The following IPO11 variants were observed in gnomAD, a reference collection of about 807,000 sequenced individuals.
The protein encoded by IPO11 is importin 11.
IPO11 carries 66 observed loss-of-function variants against 143.2 expected under a neutral mutation model. The observed-to-expected ratio is 0.46, with a 90% confidence interval of 0.38 to 0.57. The LOEUF (loss-of-function observed/expected upper bound fraction) is 0.57, where lower values mean the gene tolerates loss of function less well. Among genes scored for constraint, IPO11 ranks in the 20% least tolerant of loss-of-function variants. The pLI, the probability that IPO11 is intolerant of heterozygous loss-of-function variation, is 0.00. For synonymous variants in IPO11, 385 were observed against 377.8 expected (o/e 1.02, Z -0.22); for missense variants, 1,026 against 1,141.0 (o/e 0.90, Z 1.45).
rs1370500253 is a variant in IPO11 at position 62,449,973 on chromosome 5, A to G, written c.286A>G (p.Thr96Ala). The G allele has an allele frequency of 1.2e-6, 2 of 1,600,016 alleles. No homozygotes were observed. The highest frequency in any genetic ancestry group is 2.7e-5 in the African/African-American group (2 of 74,392). The change falls in exon 4 of 30, where the codon ACC (threonine) becomes GCC (alanine). Residue 96 changes from threonine (T) to alanine (A), a missense_variant. By Grantham distance (58) the Thr-to-Ala change is moderately conservative. Coordinates refer to ENST00000325324, the MANE Select transcript of IPO11 (RefSeq NM_016338.5). ...EKTTLRAGLI[T>A]NFNEPINQIA... Reference sequence around the variant, plus strand: ...AACTACTCTGCGTGCAGGGCTCATCACCAACTTCAATGAACCAATAAACCA... The same window carrying G: ...AACTACTCTGCGTGCAGGGCTCATCGCCAACTTCAATGAACCAATAAACCA...
At chr5:62,430,212 A>G (rs1743929016) in intron 1 of IPO11, among the ~76,000 whole-genome samples, 1 of 152,140 alleles carries the variant, frequency 6.6e-6, no homozygotes, top group Admixed American at 6.6e-5. Context: ...TAGAATTGCT[A>G]TGTTATATGT....
At chr5:62,469,601 A>G (rs1024044092) in intron 6 of IPO11, among the ~76,000 whole-genome samples, 1 of 152,198 alleles carries the variant, frequency 6.6e-6, no homozygotes, top group African/African-American at 2.4e-5. Context: ...CAATAACCCT[A>G]TAAAGTAGGA....
intron 3 of IPO11, among the ~76,000 whole-genome samples, chr5:62,444,164 C>T (rs965623076): frequency 6.0e-5 from 9 of 149,786 alleles, no homozygotes; most frequent in South Asian, 4.2e-4. Context: ...GGCATGATCT[C>T]GGCCTACTGC....
intron 19 of IPO11, among the ~76,000 whole-genome samples, chr5:62,510,327 C>G (rs1741701459): frequency 6.6e-6 from 1 of 152,104 alleles, no homozygotes; most frequent in African/African-American, 2.4e-5. Flanking sequence ...TAAAATAGAT[C>G]AACACTTATA....
intron 27 of IPO11, among the ~76,000 whole-genome samples, chr5:62,583,661 A>T (rs1308055587): frequency 6.6e-6 from 1 of 152,178 alleles, no homozygotes; most frequent in Non-Finnish European, 1.5e-5. Context: ...CCCCCTTGAA[A>T]AATGTTAGCC....
intron 29 of IPO11, among the ~76,000 whole-genome samples, chr5:62,613,424 C>T (rs1198520580): frequency 6.6e-6 from 1 of 151,058 alleles, no homozygotes; most frequent in Non-Finnish European, 1.5e-5. Context: ...CACCTCAGCC[C>T]TCCAAGTAGC....
rs543804870 is a variant in IPO11, at chr5:62,552,625, A to G, written c.2460+1289A>G. Among the ~76,000 whole-genome samples the G allele has an allele frequency of 2.6e-5, 4 of 152,254 alleles. No individual in the cohort carries two copies. In the South Asian group the frequency reaches 6.2e-4, roughly 24 times the overall value. On this transcript the variant is annotated intron_variant, in intron 26 of 29. Transcript: ENST00000325324. ...AATATTTAAGAACATAAGAGAGGAA[A>G]TTAAAATTACCCAGAGGAAACATCA... is the stretch of plus-strand genomic sequence containing the variant.
chr5:62,597,309 G>A (rs1561379769), intron 28 of IPO11, among the ~76,000 whole-genome samples: 2 of 152,178 alleles, frequency 1.3e-5, no homozygotes, highest in Admixed American at 6.5e-5. Context: ...GTAGAAGAAA[G>A]TAGGTTTATC....
chr5:62,521,137 G>A (rs1742188458), intron 20 of IPO11, among the ~76,000 whole-genome samples: 1 of 152,192 alleles, frequency 6.6e-6, no homozygotes, highest in Non-Finnish European at 1.5e-5. Context: ...GTTGTAACTG[G>A]ATTTTCTTTC....
At chr5:62,557,814 G>C (rs1057369274) in intron 26 of IPO11, among the ~76,000 whole-genome samples, 5 of 152,176 alleles carry the variant, frequency 3.3e-5, no homozygotes. Context: ...CACTGATGAG[G>C]TTTGACTGGT....
At chr5:62,554,356 C>G (rs1743495262) in intron 26 of IPO11, among the ~76,000 whole-genome samples, 2 of 152,052 alleles carry the variant, frequency 1.3e-5, no homozygotes, top group African/African-American at 4.8e-5. Flanking sequence ...TTTCCCTGAC[C>G]AGAGTCCTGG....
At chr5:62,448,435 A>AT (rs1744794608) in intron 3 of IPO11, among the ~76,000 whole-genome samples, 1 of 152,280 alleles carries the variant, frequency 6.6e-6, no homozygotes, top group East Asian at 1.9e-4. Flanking sequence ...TATTCAAGAC[A>AT]TTTTTTATTA....
chr5:62,506,126 T>G (rs1741547451), intron 18 of IPO11, 115 bp from the exon 19 acceptor site: 3 of 540,284 alleles, frequency 5.6e-6, no homozygotes, highest in Middle Eastern at 5.3e-4. Context: ...TTTTGGCTGT[T>G]TATTTGACTT....
chr5:62,478,535 A>G (rs1746052636), intron 9 of IPO11, among the ~76,000 whole-genome samples: 1 of 152,138 alleles, frequency 6.6e-6, no homozygotes, highest in Non-Finnish European at 1.5e-5. Flanking sequence ...GCTTCTTAAT[A>G]TCATTTAAAT....
At chr5:62,446,926 C>T (rs182171558) in intron 3 of IPO11, among the ~76,000 whole-genome samples, 8 of 151,408 alleles carry the variant, frequency 5.3e-5, no homozygotes, top group African/African-American at 1.7e-4. Context: ...GAGATCATGC[C>T]ACTGTACTCC....
At chr5:62,486,801 C>A (rs1230829047) in intron 12 of IPO11, among the ~76,000 whole-genome samples, 1 of 151,954 alleles carries the variant, frequency 6.6e-6, no homozygotes, top group Non-Finnish European at 1.5e-5. Flanking sequence ...ATAATGAGCC[C>A]TTCATGATAA....
chr5:62,427,203 G>T (rs151200806), intron 1 of IPO11, among the ~76,000 whole-genome samples: 280 of 151,986 alleles, frequency 1.8e-3, no homozygotes, highest in African/African-American at 6.5e-3. Flanking sequence ...GCATCCCAAA[G>T]TGCTGGGATT....
intron 1 of IPO11, among the ~76,000 whole-genome samples, chr5:62,414,324 T>G (rs1743217731): frequency 6.6e-6 from 1 of 152,174 alleles, no homozygotes; most frequent in South Asian, 2.1e-4. Context: ...TTCTCAGCAA[T>G]AAAAATATTC....
chr5:62,481,969 C>CT (rs1310108086), intron 9 of IPO11, among the ~76,000 whole-genome samples: 2 of 152,126 alleles, frequency 1.3e-5, no homozygotes, highest in African/African-American at 4.8e-5. Flanking sequence ...ATTTCAGAGC[C>CT]TGTTACTGGT....
Sources: gnomAD v4.1 joint callset for allele counts (sites outside exome capture counted in the v4.1 genomes callset) on GRCh38, gnomAD v4.1.1 for gene constraint, MANE v1.5 for transcripts, NCBI Gene and HGNC (gene_info 2026-07-23, HGNC 2026-07-21) for gene names.